LAMA3: variants seen among roughly 807,000 people sequenced by gnomAD.
The protein encoded by LAMA3 is laminin subunit alpha 3, also known as laminin subunit alpha-3.
In LAMA3, 281 loss-of-function variants were observed where a neutral mutation model predicts 402.0. That is an observed-to-expected ratio of 0.70 (90% CI 0.63 to 0.77). The LOEUF (loss-of-function observed/expected upper bound fraction) is 0.77. Ranked by LOEUF, LAMA3 falls within the 30% of genes least tolerant of loss-of-function variation. The pLI is 0.00. For missense variants in LAMA3, 3,840 were observed against 4,215.5 expected (o/e 0.91, Z 2.47); for synonymous variants, 1,431 against 1,558.4 (o/e 0.92, Z 1.93).
At position 23,876,396 on chromosome 18, in the gene LAMA3, G is replaced by A; in HGVS notation, c.5101G>A (p.Gly1701Ser). 1 of 1,608,734 alleles carries A rather than the reference G, an allele frequency of 6.2e-7. No individual in the cohort carries two copies. Among genetic ancestry groups the A allele is most frequent in the Non-Finnish European group, 8.5e-7 (1 of 1,175,002 alleles). ...GHSNQCQDGS[G>S]ICVNCQHNTA... ...TTCAAATCAATGCCAGGATGGCTCA[G>A]GCATATGTGTTGTGAGTAAATTGAC... Residue 1701 changes from glycine to serine, a missense_variant, in exon 39 of 75, where the codon GGC (glycine) becomes AGC (serine). Physicochemically the swap from Gly to Ser is moderately conservative, Grantham distance 56 (BLOSUM62 0). Coordinates refer to ENST00000313654, the MANE Select transcript of LAMA3 (RefSeq NM_198129.4).
At chr18:23,820,378 A>T (rs548573769) in intron 19 of LAMA3, among the ~76,000 whole-genome samples, 1 of 152,340 alleles carries the variant, frequency 6.6e-6, no homozygotes, top group South Asian at 2.1e-4. Flanking sequence ...GGAAAACAAA[A>T]ATGAGTTGGC....
chr18:23,790,260 T>G (rs991919553), intron 12 of LAMA3, among the ~76,000 whole-genome samples: 1 of 152,160 alleles, frequency 6.6e-6, no homozygotes, highest in Non-Finnish European at 1.5e-5. Flanking sequence ...CATTAGTGGA[T>G]AGAGAAATCA....
chr18:23,919,567 G>C (rs1267979227), intron 60 of LAMA3, among the ~76,000 whole-genome samples: 1 of 152,238 alleles, frequency 6.6e-6, no homozygotes, highest in Admixed American at 6.5e-5. Flanking sequence ...CAACATAAAA[G>C]ACACTTGAGC....
Position 23,918,013 on chromosome 18 carries a change from T to A in LAMA3, c.7923+1318T>A, listed in dbSNP as rs1210431808. ...TAGGTTTTCTTCAAGGGTTTTTTTT[T>A]ATAGTTTTAGGTTTTACATTTAAGT... On this transcript the variant is annotated intron_variant, in intron 60 of 74. Transcript: ENST00000313654. The surrounding 1 kb of genome is among the most constrained non-coding windows in gnomAD (Gnocchi z 4.1). Among the ~76,000 whole-genome samples the A allele has an allele frequency of 2.0e-5, 3 of 152,160 alleles. No homozygotes were observed. The highest frequency in any genetic ancestry group is 6.5e-5 in the Admixed American group (1 of 15,282).
intron 70 of LAMA3, among the ~76,000 whole-genome samples, chr18:23,947,851 G>A (rs2082763194): frequency 7.3e-6 from 1 of 136,472 alleles, no homozygotes. Flanking sequence ...TTGCTCTGTC[G>A]CCCAGGCTGG....
intron 8 of LAMA3, among the ~76,000 whole-genome samples, chr18:23,765,823 A>G (rs577884925): frequency 6.6e-6 from 1 of 152,306 alleles, no homozygotes; most frequent in African/African-American, 2.4e-5. Flanking sequence ...TAAATAAAAA[A>G]TCCATTGGAG....
chr18:23,813,208 G>A (rs922844725), intron 14 of LAMA3, 105 bp downstream of exon 14: 50 of 793,706 alleles, frequency 6.3e-5, no homozygotes, highest in Non-Finnish European at 9.6e-5. Context: ...TAAGACCCAA[G>A]GCTAAATTGC....
At chr18:23,754,710 T>C (rs1003605417) in intron 6 of LAMA3, among the ~76,000 whole-genome samples, 5 of 152,204 alleles carry the variant, frequency 3.3e-5, no homozygotes, top group Non-Finnish European at 7.3e-5. Flanking sequence ...GTCTTAAATG[T>C]TGAGGTTCAG....
chr18:23,915,920 C>T (rs888258909), intron 59 of LAMA3, among the ~76,000 whole-genome samples: 3 of 142,660 alleles, frequency 2.1e-5, no homozygotes, highest in South Asian at 2.3e-4. Flanking sequence ...GCACAGGAAT[C>T]GCTTGAACTC....
chr18:23,782,768 G>A (rs1215391704), intron 11 of LAMA3, among the ~76,000 whole-genome samples: 1 of 151,256 alleles, frequency 6.6e-6, no homozygotes, highest in Admixed American at 6.6e-5. Context: ...TGTGAACTTG[G>A]GGAAGTTAAT....
chr18:23,799,179 GA>G lies in LAMA3; in HGVS notation c.1604-11186del, dbSNP rs1340312899. Among the ~76,000 whole-genome samples the G allele has an allele frequency of 4.6e-5, 7 of 152,250 alleles. No homozygotes were observed. The East Asian group carries it at 1.4e-3, about 29-fold the overall frequency. On this transcript the variant is annotated intron_variant, in intron 12 of 74. Coordinates refer to ENST00000313654, the MANE Select transcript of LAMA3 (RefSeq NM_198129.4). Reference sequence around the variant, plus strand: ...GGACCTTTGTGATCATTATTTCAAAGACTTTTTTTGGTGATCCTTATTTTGT... The same window carrying G: ...GGACCTTTGTGATCATTATTTCAAAGCTTTTTTTGGTGATCCTTATTTTGT...
chr18:23,893,963 T>C (rs1385119598), intron 42 of LAMA3, among the ~76,000 whole-genome samples: 2 of 152,050 alleles, frequency 1.3e-5, no homozygotes, highest in Non-Finnish European at 2.9e-5. Flanking sequence ...CTTTATAGAG[T>C]TGACCTTTGT....
chr18:23,915,183 C>T, intron 58 of LAMA3, 106 bp from the exon 59 acceptor site: 1 of 1,296,248 alleles, frequency 7.7e-7, no homozygotes, highest in East Asian at 2.4e-5. Context: ...GGTTCACATT[C>T]TTAATTAACC....
intron 41 of LAMA3, among the ~76,000 whole-genome samples, chr18:23,888,822 A>G (rs2080532390): frequency 6.6e-6 from 1 of 152,158 alleles, no homozygotes; most frequent in Non-Finnish European, 1.5e-5. Context: ...ATAAGACACC[A>G]CACATCAGTT....
chr18:23,787,168 G>A (rs868193954), intron 12 of LAMA3, among the ~76,000 whole-genome samples: 54 of 152,264 alleles, frequency 3.5e-4, no homozygotes, highest in African/African-American at 1.2e-3. Flanking sequence ...TGTAATCCCA[G>A]CTACTTGGGA....
In LAMA3 at chr18:23,903,065, T is replaced by A. The variant is rs777388371; in HGVS notation, c.6258T>A (p.Thr2086=). The change falls in exon 49 of 75, where the codon ACT becomes ACA. Residue 2086 remains threonine (T), a synonymous_variant. Transcript: ENST00000313654. ...LQSDFTKYLT[T]ADSSLLQTNI... ...GTGATTTCACCAAGTATCTAACCAC[T>A]GCAGACTCATCTTTGTTGCAAACCA... 1 of 1,613,530 alleles carries A rather than the reference T, an allele frequency of 6.2e-7. No individual in the cohort carries two copies. Among genetic ancestry groups the A allele is most frequent in the Non-Finnish European group, 8.5e-7 (1 of 1,179,562 alleles).
chr18:23,804,651 T>A (rs2062928240), intron 12 of LAMA3, among the ~76,000 whole-genome samples: 1 of 152,026 alleles, frequency 6.6e-6, no homozygotes, highest in South Asian at 2.1e-4. Context: ...AGTGATATAG[T>A]TTGGATGTTT....
At chr18:23,738,361 C>G (rs1379302897) in intron 2 of LAMA3, among the ~76,000 whole-genome samples, 1 of 151,952 alleles carries the variant, frequency 6.6e-6, no homozygotes, top group African/African-American at 2.4e-5. Flanking sequence ...GGAGGTTCCT[C>G]CCTCCCTCCT....
At chr18:23,757,412 C>T (rs1383975424) in intron 6 of LAMA3, among the ~76,000 whole-genome samples, 1 of 151,960 alleles carries the variant, frequency 6.6e-6, no homozygotes, top group East Asian at 2.0e-4. Flanking sequence ...GGATTCCCAC[C>T]TCTAACCCTT....
Sources: allele counts gnomAD v4.1 joint callset (sites outside exome capture counted in the v4.1 genomes callset), GRCh38; gene constraint gnomAD v4.1.1; non-coding constraint Gnocchi (gnomAD v3.1); transcripts MANE v1.5; gene names NCBI Gene and HGNC (gene_info 2026-07-23, HGNC 2026-07-21).